The following KCNH8 variants were observed in gnomAD, a reference collection of about 807,000 sequenced individuals.
KCNH8 encodes voltage-gated delayed rectifier potassium channel KCNH8.
Under a neutral mutation model 103.6 loss-of-function variants are expected in KCNH8, and 70 were observed. The ratio of observed to expected loss-of-function variants is 0.68; its 90% CI spans 0.56 to 0.82. KCNH8 has a LOEUF of 0.82. Ranked by LOEUF, KCNH8 falls within the 40% of genes least tolerant of loss-of-function variation. The probability of loss-of-function intolerance (pLI) is 0.00; values close to 1 mark genes in which losing one functional copy is unlikely to be tolerated. For synonymous variants in KCNH8, 498 were observed against 489.4 expected (o/e 1.02, Z -0.23); for missense variants, 1,217 against 1,329.9 (o/e 0.92, Z 1.32).
intron 7 of KCNH8, among the ~76,000 whole-genome samples, chr3:19,400,266 G>A (rs921848551): frequency 1.6e-5 from 2 of 122,726 alleles, no homozygotes; most frequent in African/African-American, 3.1e-5. Flanking sequence ...GCATCATAAT[G>A]TCAGACAGAA....
chr3:19,243,584 C>A (rs188018219), intron 1 of KCNH8, among the ~76,000 whole-genome samples: 2 of 152,230 alleles, frequency 1.3e-5, no homozygotes. Context: ...CATTTGAATA[C>A]CACTAGCTTT....
At chr3:19,290,276 C>T (rs1409753262) in intron 3 of KCNH8, among the ~76,000 whole-genome samples, 1 of 152,124 alleles carries the variant, frequency 6.6e-6, no homozygotes, top group African/African-American at 2.4e-5. Context: ...GAACTTCCAA[C>T]ACTATGTTGA....
chr3:19,390,444 C>G (rs1167827698), intron 5 of KCNH8, 37 bp from the exon 6 acceptor site: 1 of 1,506,950 alleles, frequency 6.6e-7, no homozygotes, highest in Admixed American at 1.8e-5. Context: ...TTCTCTGTCT[C>G]TTCCTTTTAT....
intron 1 of KCNH8, among the ~76,000 whole-genome samples, chr3:19,245,243 T>C (rs1283631563): frequency 6.6e-6 from 1 of 152,084 alleles, no homozygotes; most frequent in Non-Finnish European, 1.5e-5. Flanking sequence ...GCTTTTGTTG[T>C]TCTTGTAAAA....
intron 1 of KCNH8, among the ~76,000 whole-genome samples, chr3:19,243,498 CA>C (rs2064167922): frequency 6.6e-6 from 1 of 152,172 alleles, no homozygotes; most frequent in African/African-American, 2.4e-5. Context: ...TTTAATCTAA[CA>C]TGAGTACTGC....
intron 5 of KCNH8, among the ~76,000 whole-genome samples, chr3:19,371,424 G>C (rs1220071470): frequency 2.0e-5 from 3 of 150,796 alleles, no homozygotes; most frequent in African/African-American, 4.9e-5. Context: ...AGAAGTGTCT[G>C]TTCATGTCCT....
chr3:19,345,630 AT>A (rs200512260), intron 4 of KCNH8, among the ~76,000 whole-genome samples: 129 of 151,016 alleles, frequency 8.5e-4, no homozygotes, highest in African/African-American at 2.9e-3. Flanking sequence ...ATTGTGTACC[AT>A]TTTTTTTTAC....
chr3:19,497,233 TCTTAATATC>T (rs1163875831), intron 11 of KCNH8, among the ~76,000 whole-genome samples: 2 of 152,214 alleles, frequency 1.3e-5, no homozygotes, highest in African/African-American at 4.8e-5. Context: ...ATTTTTCATG[TCTTAATATC>T]CTTCAGTTTA....
At chr3:19,271,302 C>G (rs547463202) in intron 2 of KCNH8, among the ~76,000 whole-genome samples, 2 of 152,250 alleles carry the variant, frequency 1.3e-5, no homozygotes, top group South Asian at 4.1e-4. Context: ...ACAGTTCCAT[C>G]TCATCATCTT....
chr3:19,525,387 T>C (rs1035242078), intron 15 of KCNH8, among the ~76,000 whole-genome samples: 1 of 151,852 alleles, frequency 6.6e-6, no homozygotes, highest in Admixed American at 6.6e-5. Context: ...AGATGATTCC[T>C]ATACACATTA....
At chr3:19,392,155 G>A (rs7616342) in intron 6 of KCNH8, among the ~76,000 whole-genome samples, 95,385 of 149,566 alleles carry the variant, frequency 0.64, 31,394 homozygotes, top group African/African-American at 0.8. Context: ...TCATTCCCCA[G>A]AATTAACATG....
At chr3:19,255,966 T>G (rs1301350248) in intron 2 of KCNH8, among the ~76,000 whole-genome samples, 1 of 152,168 alleles carries the variant, frequency 6.6e-6, no homozygotes, top group Non-Finnish European at 1.5e-5. Flanking sequence ...TATCTTGTTT[T>G]GTTGCATTTC....
chr3:19,475,353 T>G (rs2067951177), intron 11 of KCNH8, among the ~76,000 whole-genome samples: 1 of 152,224 alleles, frequency 6.6e-6, no homozygotes, highest in African/African-American at 2.4e-5. Flanking sequence ...GAATTTGCCT[T>G]GTTCACTGTT....
chr3:19,504,966 G>GGT (rs1553606595), intron 11 of KCNH8, among the ~76,000 whole-genome samples: 248 of 146,122 alleles, frequency 1.7e-3, no homozygotes, highest in African/African-American at 6.0e-3. Context: ...GAAAATGTGA[G>GGT]ATATATATAT....
At chr3:19,458,305 G>A (rs192509966) in intron 11 of KCNH8, among the ~76,000 whole-genome samples, 8 of 152,018 alleles carry the variant, frequency 5.3e-5, no homozygotes, top group Admixed American at 5.3e-4. Flanking sequence ...TGCTCACCAT[G>A]ACAGCATAAA....
At chr3:19,429,365 A>C (rs540863621) in intron 7 of KCNH8, among the ~76,000 whole-genome samples, 17 of 151,698 alleles carry the variant, frequency 1.1e-4, no homozygotes, top group Non-Finnish European at 1.8e-4. Flanking sequence ...TAGTAGAGAC[A>C]GGGTTTCACC....
intron 1 of KCNH8, among the ~76,000 whole-genome samples, chr3:19,214,647 T>C (rs764681955): frequency 6.6e-6 from 1 of 152,216 alleles, no homozygotes; most frequent in Non-Finnish European, 1.5e-5. Flanking sequence ...CCTTATTCTC[T>C]TATGTGTCTT....
chr3:19,149,382 C>T (rs895255024), intron 1 of KCNH8, among the ~76,000 whole-genome samples: 1 of 151,696 alleles, frequency 6.6e-6, no homozygotes, highest in African/African-American at 2.4e-5. Flanking sequence ...GAGCCTAACA[C>T]TCAAGCAGAG....
At chr3:19,180,929 A>ACC (rs2063446472) in intron 1 of KCNH8, among the ~76,000 whole-genome samples, 1 of 152,198 alleles carries the variant, frequency 6.6e-6, no homozygotes, top group South Asian at 2.1e-4. Flanking sequence ...AATAAAATAA[A>ACC]ATAGAAATTA....
Sources: allele counts gnomAD v4.1 joint callset (sites outside exome capture counted in the v4.1 genomes callset), GRCh38; gene constraint gnomAD v4.1.1; transcripts MANE v1.5; gene names NCBI Gene and HGNC (gene_info 2026-07-23, HGNC 2026-07-21).